GABRB2: variants seen among roughly 807,000 people sequenced by gnomAD.
GABRB2 encodes gamma-aminobutyric acid type A receptor subunit beta2.
In GABRB2, 16 loss-of-function variants were observed where a neutral mutation model predicts 54.7. The ratio of observed to expected loss-of-function variants is 0.29; its 90% CI spans 0.20 to 0.44. GABRB2 has a LOEUF of 0.44. Among genes scored for constraint, GABRB2 ranks in the 20% least tolerant of loss-of-function variants. GABRB2 has a pLI of 1.00. For missense variants in GABRB2, 355 were observed against 644.0 expected (o/e 0.55, Z 4.86); for synonymous variants, 244 against 233.8 (o/e 1.04, Z -0.40).
rs554833205 is a variant in GABRB2, at chr5:161,327,506, G to T, written c.1078-1025C>A. Among the ~76,000 whole-genome samples the T allele has an allele frequency of 3.0e-4, 46 of 151,912 alleles. No individual in the cohort carries two copies. The Middle Eastern group carries it at 0.01, about 34-fold the overall frequency. ...GACCTTGGCTATTTCACCTTCTTTAGGCACATAGGCTTTTACGTCAGTGAA... is the reference window on the plus strand; with the variant it reads ...GACCTTGGCTATTTCACCTTCTTTATGCACATAGGCTTTTACGTCAGTGAA... On this transcript the variant is annotated intron_variant, in intron 8 of 9. Transcript: ENST00000393959.
intron 6 of GABRB2, 81 bp from the exon 7 acceptor site, chr5:161,334,985 C>T: frequency 7.4e-7 from 1 of 1,359,848 alleles, no homozygotes; most frequent in Non-Finnish European, 1.0e-6. Context: ...TAAACAGTAC[C>T]TCTTCTCTCA....
chr5:161,541,772 T>A (rs1760825217), intron 3 of GABRB2, among the ~76,000 whole-genome samples: 1 of 152,202 alleles, frequency 6.6e-6, no homozygotes, highest in Non-Finnish European at 1.5e-5. Context: ...CACTAAAACT[T>A]TCTCCATATC....
chr5:161,371,325 A>G (rs1755126897), intron 5 of GABRB2, among the ~76,000 whole-genome samples: 1 of 152,208 alleles, frequency 6.6e-6, no homozygotes, highest in Admixed American at 6.5e-5. Context: ...TCCTATAATA[A>G]TAATCTACAT....
intron 3 of GABRB2, among the ~76,000 whole-genome samples, chr5:161,463,271 C>A (rs990557626): frequency 6.7e-6 from 1 of 150,136 alleles, no homozygotes; most frequent in Admixed American, 6.7e-5. Context: ...GATTATTTTT[C>A]TTCTTCCTCT....
In GABRB2 at chr5:161,545,224, C is replaced by T. The variant is rs933284423; in HGVS notation, c.237+3G>A. 6.3e-7 allele frequency: 1 copy of T among 1,597,218 alleles called. No homozygotes were observed. Among genetic ancestry groups the T allele is most frequent in the African/African-American group, 1.4e-5 (1 of 73,872 alleles). Reference sequence around the variant, plus strand: ...AGAAGTAGTCATAAATGTCAATACTCACCATATTGACTTCAGAAACCATAT... The same window carrying T: ...AGAAGTAGTCATAAATGTCAATACTTACCATATTGACTTCAGAAACCATAT... On this transcript the variant is annotated splice_donor_region_variant and intron_variant, in intron 3 of 9. Coordinates refer to ENST00000393959, the MANE Select transcript of GABRB2 (RefSeq NM_001371727.1).
intron 9 of GABRB2, among the ~76,000 whole-genome samples, chr5:161,319,705 CTCTT>C (rs769391088): frequency 3.5e-4 from 53 of 151,510 alleles, no homozygotes; most frequent in Non-Finnish European, 7.1e-4. Context: ...GTTTTTCCTT[CTCTT>C]TGTTATTATT....
In GABRB2 at chr5:161,466,120, TG is replaced by T. The variant is rs140561454; in HGVS notation, c.238-6277del. ...TGTTGAATGTCTTTCAGTTTGGATT[TG>T]CTTGGTGTGTGCTTATGATTAGATT... On this transcript the variant is annotated intron_variant, in intron 3 of 9. Coordinates refer to ENST00000393959, the MANE Select transcript of GABRB2 (RefSeq NM_001371727.1). 2.4e-3 allele frequency among the ~76,000 whole-genome samples: 368 copies of T among 152,228 alleles called. 2 individuals carry two copies. Among genetic ancestry groups the T allele is most frequent in the African/African-American group, 8.3e-3 (344 of 41,538 alleles).
intron 4 of GABRB2, among the ~76,000 whole-genome samples, chr5:161,412,152 A>C (rs938194675): frequency 5.9e-5 from 9 of 152,190 alleles, no homozygotes; most frequent in Non-Finnish European, 1.2e-4. Flanking sequence ...AAAGTCTTGG[A>C]CAAAATCTAA....
At chr5:161,333,920 T>C (rs1458559658) in intron 7 of GABRB2, among the ~76,000 whole-genome samples, 2 of 152,350 alleles carry the variant, frequency 1.3e-5, no homozygotes, top group East Asian at 1.9e-4. Flanking sequence ...GTATAATTTA[T>C]GTGGTTATTA....
At chr5:161,420,283 ACCAAGTGACAGC>A (rs1163386359) in intron 4 of GABRB2, among the ~76,000 whole-genome samples, 5 of 152,230 alleles carry the variant, frequency 3.3e-5, no homozygotes, top group African/African-American at 1.2e-4. Context: ...CCAGTGACAG[ACCAAGTGACAGC>A]CTCAGCTGGG....
intron 4 of GABRB2, among the ~76,000 whole-genome samples, chr5:161,437,652 C>T (rs1223560627): frequency 6.6e-6 from 1 of 151,584 alleles, no homozygotes; most frequent in Admixed American, 6.6e-5. Flanking sequence ...CTGCCCTGGG[C>T]CAGAGGGGAG....
At chr5:161,349,349 T>C (rs917655629) in intron 5 of GABRB2, among the ~76,000 whole-genome samples, 1 of 152,122 alleles carries the variant, frequency 6.6e-6, no homozygotes, top group Non-Finnish European at 1.5e-5. Flanking sequence ...TAAACAATCA[T>C]CAAGACCCAA....
intron 3 of GABRB2, among the ~76,000 whole-genome samples, chr5:161,484,071 A>G (rs1008248301): frequency 3.3e-5 from 5 of 151,952 alleles, no homozygotes; most frequent in African/African-American, 1.2e-4. Context: ...AGAAAATGAA[A>G]AAAAAAGCAG....
At chr5:161,380,857 T>C (rs1034712834) in intron 5 of GABRB2, among the ~76,000 whole-genome samples, 2 of 102,286 alleles carry the variant, frequency 2.0e-5, no homozygotes, top group African/African-American at 6.0e-5. Context: ...CTCAAGATTT[T>C]ACAAGGGTAA....
intron 7 of GABRB2, among the ~76,000 whole-genome samples, chr5:161,333,171 T>C (rs1753902271): frequency 6.6e-6 from 1 of 152,070 alleles, no homozygotes; most frequent in Non-Finnish European, 1.5e-5. Context: ...CTGTAATCGA[T>C]ACAAAAAAGA....
At chr5:161,303,836 C>T (rs1309946906) in intron 9 of GABRB2, among the ~76,000 whole-genome samples, 1 of 151,366 alleles carries the variant, frequency 6.6e-6, no homozygotes, top group Non-Finnish European at 1.5e-5. Flanking sequence ...CTGTCTCTGG[C>T]CCTCAGTGTT....
In GABRB2 at chr5:161,425,885, C is replaced by T. The variant is rs1034055530; in HGVS notation, c.459-14828G>A. Among the ~76,000 whole-genome samples, 10 of 151,918 alleles carry T rather than the reference C, an allele frequency of 6.6e-5. 1 individual carries two copies. The East Asian group carries it at 7.7e-4, about 12-fold the overall frequency. On this transcript the variant is annotated intron_variant, in intron 4 of 9. Coordinates refer to ENST00000393959, the MANE Select transcript of GABRB2 (RefSeq NM_001371727.1). Reference sequence around the variant, plus strand: ...ATATGTGATGAGGATGTGAATAAACCGAATTTCTCATAATTGCTTGTAGAA... The same window carrying T: ...ATATGTGATGAGGATGTGAATAAACTGAATTTCTCATAATTGCTTGTAGAA...
At chr5:161,422,758 T>C (rs1207076950) in intron 4 of GABRB2, among the ~76,000 whole-genome samples, 1 of 152,170 alleles carries the variant, frequency 6.6e-6, no homozygotes, top group Non-Finnish European at 1.5e-5. Context: ...ACATGAGATA[T>C]GGAATATGCA....
At chr5:161,336,223 G>A (rs1247121468) in intron 6 of GABRB2, among the ~76,000 whole-genome samples, 1 of 152,102 alleles carries the variant, frequency 6.6e-6, no homozygotes, top group African/African-American at 2.4e-5. Context: ...ATTGTCTTTG[G>A]AGAATTTCAC....
Sources: allele counts gnomAD v4.1 joint callset (sites outside exome capture counted in the v4.1 genomes callset), GRCh38; gene constraint gnomAD v4.1.1; transcripts MANE v1.5; gene names NCBI Gene and HGNC (gene_info 2026-07-23, HGNC 2026-07-21).